The following ADGRV1 variants were observed in gnomAD, a reference collection of about 807,000 sequenced individuals.
ADGRV1 encodes the protein G-protein coupled receptor 98.
ADGRV1 carries 359 observed loss-of-function variants against 596.2 expected under a neutral mutation model. The ratio of observed to expected loss-of-function variants is 0.60; its 90% CI spans 0.55 to 0.66. ADGRV1 has a LOEUF of 0.66. ADGRV1 is among the 30% of genes least tolerant of loss of function. The pLI is 0.00. For missense variants in ADGRV1, 7,274 were observed against 7,575.6 expected, an observed-to-expected ratio of 0.96 and a Z score of 1.48; for synonymous variants, 2,681 against 2,679.2, an observed-to-expected ratio of 1.00 and a Z score of -0.02.
intron 74 of ADGRV1, among the ~76,000 whole-genome samples, chr5:90,811,916 A>G (rs1480606186): frequency 6.7e-6 from 1 of 150,136 alleles, no homozygotes; most frequent in African/African-American, 2.4e-5. Flanking sequence ...TTTACCTCTG[A>G]AATCATACTG....
At position 91,094,045 on chromosome 5, in the gene ADGRV1, T is replaced by C. The variant is rs534667269; in HGVS notation, c.18311-8174T>C. Among the ~76,000 whole-genome samples the C allele has an allele frequency of 6.6e-5, 10 of 151,394 alleles. No individual in the cohort carries two copies. In the East Asian group the frequency reaches 1.2e-3, roughly 18 times the overall value. On this transcript the variant is annotated intron_variant, in intron 86 of 89. Coordinates refer to ENST00000405460, the MANE Select transcript of ADGRV1 (RefSeq NM_032119.4). The stretch of plus-strand genomic sequence containing the variant: ...TTTTGTATTTTTAGTAGAGATGGGG[T>C]TTCGCCATGTTCGCCAGGACAGTCT...
In ADGRV1 at chr5:90,597,175, GA is replaced by G. The variant is rs905044098; in HGVS notation, c.23-17658del. ...GATTGGGGATTTATTTCTTTAACAA[GA>G]ATTATTGCCACTATAATCAAAAGTT... On this transcript the variant is annotated intron_variant, in intron 1 of 89. Coordinates refer to ENST00000405460, the MANE Select transcript of ADGRV1 (RefSeq NM_032119.4). 2.0e-5 allele frequency among the ~76,000 whole-genome samples: 3 copies of G among 152,184 alleles called. No individual in the cohort carries two copies. In the East Asian group the frequency reaches 5.8e-4, roughly 29 times the overall value.
intron 81 of ADGRV1, 144 bp downstream of exon 81, chr5:90,854,345 C>T (rs1267743740): frequency 6.8e-6 from 4 of 589,882 alleles, no homozygotes; most frequent in Non-Finnish European, 1.1e-5. Flanking sequence ...TAAGAGGAAG[C>T]AGCATAGGAA....
intron 83 of ADGRV1, among the ~76,000 whole-genome samples, chr5:90,925,495 T>C (rs1286721803): frequency 6.6e-6 from 1 of 152,218 alleles, no homozygotes; most frequent in Non-Finnish European, 1.5e-5. Context: ...TCCTGAGAGT[T>C]TGCTGAAGTT....
chr5:90,988,246 A>G (rs1461401238), intron 85 of ADGRV1, among the ~76,000 whole-genome samples: 19 of 152,230 alleles, frequency 1.2e-4, no homozygotes, highest in Admixed American at 1.2e-3. Flanking sequence ...ATGGAATTAT[A>G]AATCATGTAC....
chr5:90,904,757 G>A (rs750292506), intron 83 of ADGRV1, among the ~76,000 whole-genome samples: 4 of 151,700 alleles, frequency 2.6e-5, no homozygotes, highest in African/African-American at 4.8e-5. Context: ...CTGTTTGTCC[G>A]TTTTTGCTTT....
intron 1 of ADGRV1, among the ~76,000 whole-genome samples, chr5:90,569,276 G>A (rs6897313): frequency 0.067 from 9,590 of 144,078 alleles, 947 homozygotes; most frequent in African/African-American, 0.22. Flanking sequence ...TTAAATTTCA[G>A]TATGAGTTTT....
intron 85 of ADGRV1, among the ~76,000 whole-genome samples, chr5:90,995,560 T>C (rs1265607848): frequency 6.6e-6 from 1 of 152,124 alleles, no homozygotes; most frequent in East Asian, 1.9e-4. Flanking sequence ...AATGGACTAA[T>C]ATAGAAAATT....
chr5:90,636,522 A>G (rs1193118915), intron 10 of ADGRV1, among the ~76,000 whole-genome samples: 1 of 152,212 alleles, frequency 6.6e-6, no homozygotes, highest in African/African-American at 2.4e-5. Flanking sequence ...TATCTTAGAT[A>G]GCTGTAAATT....
intron 82 of ADGRV1, among the ~76,000 whole-genome samples, chr5:90,859,274 C>A (rs1158092397): frequency 6.6e-6 from 1 of 152,056 alleles, no homozygotes; most frequent in African/African-American, 2.4e-5. Flanking sequence ...ACCACACCAG[C>A]CTGACATACA....
At position 90,684,149 on chromosome 5, in the gene ADGRV1, C is replaced by T. The variant is rs376325671; in HGVS notation, c.6228C>T (p.Ile2076=). 2.2e-5 allele frequency: 36 copies of T among 1,613,672 alleles called. No individual in the cohort carries two copies. The African/African-American group carries it at 3.1e-4, about 14-fold the overall frequency. Residue 2076 remains isoleucine (I), a synonymous_variant, in exon 28 of 90, where the codon ATC becomes ATT. Transcript: ENST00000405460. Reference sequence around the variant, plus strand: ...CAGAAAGGTCCGAATCTGTCTTTATCGAACTACTCAACTCTACTTTAGTAG... The same window carrying T: ...CAGAAAGGTCCGAATCTGTCTTTATTGAACTACTCAACTCTACTTTAGTAG... ...DEPERSESVF[I]ELLNSTLVAK...
chr5:90,732,118 A>G (rs1478457251), intron 50 of ADGRV1, among the ~76,000 whole-genome samples: 1 of 152,096 alleles, frequency 6.6e-6, no homozygotes, highest in Non-Finnish European at 1.5e-5. Flanking sequence ...CTCCCACCTC[A>G]GCCTCCTGAA....
chr5:91,054,885 G>T (rs554362615), intron 85 of ADGRV1, among the ~76,000 whole-genome samples: 18 of 152,218 alleles, frequency 1.2e-4, no homozygotes, highest in Admixed American at 5.2e-4. Context: ...GATTGAGTGT[G>T]CTTCCCCACC....
chr5:90,917,666 T>A lies in ADGRV1; in HGVS notation c.17857-47749T>A, dbSNP rs545403412. 3.3e-5 allele frequency among the ~76,000 whole-genome samples: 5 copies of A among 152,328 alleles called. No homozygotes were observed. In the East Asian group the frequency reaches 9.7e-4, roughly 29 times the overall value. On this transcript the variant is annotated intron_variant, in intron 83 of 89. Coordinates refer to ENST00000405460, the MANE Select transcript of ADGRV1 (RefSeq NM_032119.4). ...TTATTGAGAGAACCAACTTCTTTCC[T>A]TAAAAGAATAAACCAGCTAGAGTCT...
At chr5:90,585,079 T>C (rs1174456266) in intron 1 of ADGRV1, among the ~76,000 whole-genome samples, 1 of 152,248 alleles carries the variant, frequency 6.6e-6, no homozygotes, top group African/African-American at 2.4e-5. Flanking sequence ...ATATTCATAC[T>C]TTTGTTTTAC....
chr5:90,997,938 T>A (rs768364123), intron 85 of ADGRV1, among the ~76,000 whole-genome samples: 25 of 152,210 alleles, frequency 1.6e-4, no homozygotes, highest in Admixed American at 5.9e-4. Flanking sequence ...GAGAGCCATA[T>A]GTATAAGTCT....
intron 83 of ADGRV1, among the ~76,000 whole-genome samples, chr5:90,934,947 C>A (rs543597610): frequency 6.6e-6 from 1 of 152,288 alleles, no homozygotes; most frequent in Non-Finnish European, 1.5e-5. Context: ...GAGGGCCCCA[C>A]CTTCATAACT....
intron 87 of ADGRV1, among the ~76,000 whole-genome samples, chr5:91,138,237 GA>G (rs536525545): frequency 3.9e-4 from 55 of 141,118 alleles, no homozygotes; most frequent in Middle Eastern, 3.6e-3. Flanking sequence ...ATGGGTTGGA[GA>G]AAAAAAAAAA....
chr5:91,028,324 G>T (rs892745621), intron 85 of ADGRV1, among the ~76,000 whole-genome samples: 3 of 151,956 alleles, frequency 2.0e-5, no homozygotes, highest in Non-Finnish European at 2.9e-5. Flanking sequence ...AGGTGCCCTG[G>T]ATTATGGTCC....
Sources: allele counts gnomAD v4.1 joint callset (sites outside exome capture counted in the v4.1 genomes callset), GRCh38; gene constraint gnomAD v4.1.1; transcripts MANE v1.5; gene names NCBI Gene and HGNC (gene_info 2026-07-23, HGNC 2026-07-21).